Variants in LHFPL3 observed in about 807,000 individuals in gnomAD.
The protein encoded by LHFPL3 is LHFPL tetraspan subfamily member 3.
A neutral mutation model predicts 19.3 loss-of-function variants in LHFPL3; 5 were observed. That is an observed-to-expected ratio of 0.26 (90% CI 0.14 to 0.54). The LOEUF (loss-of-function observed/expected upper bound fraction) is 0.54, where lower values mean the gene tolerates loss of function less well. LHFPL3 is among the 20% of genes least tolerant of loss of function. LHFPL3 has a pLI of 0.94. For missense variants in LHFPL3, 249 were observed against 307.4 expected, an observed-to-expected ratio of 0.81 and a Z score of 1.42; for synonymous variants, 133 against 126.2, an observed-to-expected ratio of 1.05 and a Z score of -0.36.
In LHFPL3 at chr7:104,399,464, G is replaced by A. The variant is rs1458084527; in HGVS notation, c.445+70240G>A. Among the ~76,000 whole-genome samples, 5 of 149,942 alleles carry A rather than the reference G, an allele frequency of 3.3e-5. No homozygotes were observed. Among genetic ancestry groups the A allele is most frequent in the East Asian group, 3.9e-4 (2 of 5,128 alleles). On this transcript the variant is annotated intron_variant, in intron 1 of 2. Coordinates refer to ENST00000424859, the MANE Select transcript of LHFPL3 (RefSeq NM_199000.3). This position sits in a 1 kb window ranked among gnomAD's most constrained non-coding sequence, Gnocchi z 4.4. ...TTTGTTTTTTAGGTTTTTTTTGTTT[G>A]TTTGTTTGAGATGGAGTCTTGCTCT...
chr7:104,571,622 C>T (rs563664896), intron 1 of LHFPL3, among the ~76,000 whole-genome samples: 5 of 152,278 alleles, frequency 3.3e-5, no homozygotes, highest in Admixed American at 2.0e-4. Flanking sequence ...AAAATTGCTC[C>T]TTGGATGGAG....
At chr7:104,452,623 A>C (rs746345016) in intron 1 of LHFPL3, among the ~76,000 whole-genome samples, 60 of 152,194 alleles carry the variant, frequency 3.9e-4, no homozygotes, top group Non-Finnish European at 3.2e-4. Flanking sequence ...TATGTTAATT[A>C]AGCATTATAT....
At chr7:104,683,954 A>ATATGCCTTTTC (rs1792760005) in intron 1 of LHFPL3, among the ~76,000 whole-genome samples, 1 of 152,224 alleles carries the variant, frequency 6.6e-6, no homozygotes, top group African/African-American at 2.4e-5. Context: ...TATTTGTGAA[A>ATATGCCTTTTC]AGGCATATCT....
At chr7:104,815,307 A>G (rs1328148157) in intron 2 of LHFPL3, among the ~76,000 whole-genome samples, 3 of 152,264 alleles carry the variant, frequency 2.0e-5, no homozygotes, top group Non-Finnish European at 2.9e-5. Flanking sequence ...TGCTGCTGCC[A>G]TCAAGTCAGT....
intron 1 of LHFPL3, among the ~76,000 whole-genome samples, chr7:104,413,485 C>A (rs181750714): frequency 1.6e-3 from 236 of 152,230 alleles, no homozygotes; most frequent in African/African-American, 5.4e-3. Flanking sequence ...TCAGAACAAC[C>A]CTATGGAGAG....
intron 1 of LHFPL3, among the ~76,000 whole-genome samples, chr7:104,434,682 C>T (rs554224508): frequency 6.4e-4 from 97 of 152,250 alleles, no homozygotes; most frequent in South Asian, 1.2e-3. Context: ...GGATGAGAAC[C>T]TTTCTAAATC....
intron 1 of LHFPL3, among the ~76,000 whole-genome samples, chr7:104,522,852 C>T (rs889242980): frequency 3.3e-5 from 5 of 151,982 alleles, no homozygotes; most frequent in African/African-American, 7.2e-5. Context: ...CAGGACCTTC[C>T]AAGCAACAGG....
At position 104,906,270 on chromosome 7, in the gene LHFPL3, G is replaced by A. The variant is rs993127987; in HGVS notation, c.*55G>A. The A allele has an allele frequency of 8.8e-5, 137 of 1,561,158 alleles. No homozygotes were observed. In the Middle Eastern group the frequency reaches 1.0e-3, roughly 11 times the overall value. The stretch of plus-strand genomic sequence containing the variant: ...AAATCGAATAACAGCTAAACGAATC[G>A]AATAACAGCTTTTGTACATCAACAT... On this transcript the variant is annotated 3_prime_UTR_variant, in exon 3 of 3. Coordinates refer to ENST00000424859, the MANE Select transcript of LHFPL3 (RefSeq NM_199000.3).
intron 1 of LHFPL3, among the ~76,000 whole-genome samples, chr7:104,468,956 G>A (rs1792850836): frequency 6.6e-6 from 1 of 152,154 alleles, no homozygotes; most frequent in South Asian, 2.1e-4. Flanking sequence ...ACAATGCACG[G>A]CCTTGTGCAA....
intron 1 of LHFPL3, among the ~76,000 whole-genome samples, chr7:104,556,761 G>A (rs897445554): frequency 6.6e-6 from 1 of 152,238 alleles, no homozygotes; most frequent in African/African-American, 2.4e-5. Context: ...CACATTGTCA[G>A]ACTGCAAATT....
intron 2 of LHFPL3, among the ~76,000 whole-genome samples, chr7:104,850,050 C>T (rs766689448): frequency 5.3e-5 from 8 of 152,178 alleles, no homozygotes; most frequent in Non-Finnish European, 7.3e-5. Flanking sequence ...CGCCTGTAAT[C>T]CCAGCAGTTT....
At chr7:104,370,785 G>A (rs1355843382) in intron 1 of LHFPL3, among the ~76,000 whole-genome samples, 1 of 152,212 alleles carries the variant, frequency 6.6e-6, no homozygotes, top group Non-Finnish European at 1.5e-5. Flanking sequence ...AGGAGGCTGA[G>A]GTGGGAGAAT....
Position 104,466,639 on chromosome 7 carries a change from T to C in LHFPL3, c.445+137415T>C, listed in dbSNP as rs896115669. On this transcript the variant is annotated intron_variant, in intron 1 of 2. Coordinates refer to ENST00000424859, the MANE Select transcript of LHFPL3 (RefSeq NM_199000.3). ...TGCCAATGTTTCTATCAGTTATAAC[T>C]GACTGAAGCAAACTGGCTTTATGTT... Among the ~76,000 whole-genome samples, 3 of 152,360 alleles carry C rather than the reference T, an allele frequency of 2.0e-5. No homozygotes were observed. The East Asian group carries it at 5.8e-4, about 29-fold the overall frequency.
intron 1 of LHFPL3, among the ~76,000 whole-genome samples, chr7:104,730,294 G>C (rs1250442740): frequency 1.3e-5 from 2 of 152,120 alleles, no homozygotes; most frequent in East Asian, 1.9e-4. Context: ...GGTATTTCTA[G>C]TTCTAGATCC....
Position 104,666,518 on chromosome 7 carries a change from T to TA in LHFPL3, c.446-70157_446-70156insA, listed in dbSNP as rs1562961382. 5.2e-3 allele frequency among the ~76,000 whole-genome samples: 322 copies of TA among 62,098 alleles called. 10 individuals carry two copies. Among genetic ancestry groups the TA allele is most frequent in the African/African-American group, 0.018 (307 of 17,286 alleles). 40.7% of individuals were successfully genotyped at this position (62,098 alleles called of 152,430 possible). ...AAAATGACAGGATTTCATTCTTTTT[T>TA]TTTTTTTTTTTTTTTTTTTTTGAGA... On this transcript the variant is annotated intron_variant, in intron 1 of 2. Coordinates refer to ENST00000424859, the MANE Select transcript of LHFPL3 (RefSeq NM_199000.3).
chr7:104,725,859 G>C (rs1038808164), intron 1 of LHFPL3, among the ~76,000 whole-genome samples: 14 of 152,024 alleles, frequency 9.2e-5, no homozygotes, highest in African/African-American at 3.4e-4. Flanking sequence ...ATACCAGCCT[G>C]GCCAACATGG....
chr7:104,530,225 A>C (rs945412332), intron 1 of LHFPL3, among the ~76,000 whole-genome samples: 3 of 152,230 alleles, frequency 2.0e-5, no homozygotes, highest in African/African-American at 7.2e-5. Flanking sequence ...TTTACATCTG[A>C]CAGAAAGGAA....
In LHFPL3 at chr7:104,655,047, A is replaced by G. The variant is rs577301377; in HGVS notation, c.446-81628A>G. ...GCCTCTTTCCCTTCTTCCTTCAGCT[A>G]GTCCAAGAAGCCTGTCCTAAGCAAT... On this transcript the variant is annotated intron_variant, in intron 1 of 2. Coordinates refer to ENST00000424859, the MANE Select transcript of LHFPL3 (RefSeq NM_199000.3). Among the ~76,000 whole-genome samples, 4 of 152,302 alleles carry G rather than the reference A, an allele frequency of 2.6e-5. No homozygotes were observed. The South Asian group carries it at 8.3e-4, about 32-fold the overall frequency.
chr7:104,443,831 G>A (rs2116586608), intron 1 of LHFPL3, among the ~76,000 whole-genome samples: 1 of 152,268 alleles, frequency 6.6e-6, no homozygotes, highest in African/African-American at 2.4e-5. Flanking sequence ...AAGCAGAATG[G>A]TTGTATTATT....
Sources: gnomAD v4.1 joint callset for allele counts (sites outside exome capture counted in the v4.1 genomes callset) on GRCh38, gnomAD v4.1.1 for gene constraint, Gnocchi (gnomAD v3.1) non-coding constraint, MANE v1.5 for transcripts, NCBI Gene and HGNC (gene_info 2026-07-23, HGNC 2026-07-21) for gene names.